FERRY3: variants seen among roughly 807,000 people sequenced by gnomAD.
The protein encoded by FERRY3 is protein C12orf4.
the FERRY3 span, among the ~76,000 whole-genome samples, chr12:4,522,865 A>C: frequency 6.6e-6 from 1 of 152,356 alleles, no homozygotes; most frequent in East Asian, 1.9e-4. Context: ...AACAACTCCA[A>C]TGAGTCTCAA....
the FERRY3 span, among the ~76,000 whole-genome samples, chr12:4,504,956 G>A: frequency 6.6e-6 from 1 of 152,124 alleles, no homozygotes; most frequent in Non-Finnish European, 1.5e-5. Flanking sequence ...TACAAAAAAA[G>A]TAGCCGGGTA....
chr12:4,496,615 T>A, the FERRY3 span, among the ~76,000 whole-genome samples: 1 of 152,052 alleles, frequency 6.6e-6, no homozygotes, highest in African/African-American at 2.4e-5. Context: ...GAAAATGAAA[T>A]TGAAATCTCA....
the FERRY3 span, chr12:4,534,434 C>A: frequency 1.0e-6 from 1 of 995,958 alleles, no homozygotes. Flanking sequence ...TGGGGTCTCT[C>A]TCTCTGTTAC....
chr12:4,536,546 T>A, the FERRY3 span, among the ~76,000 whole-genome samples: 1 of 152,018 alleles, frequency 6.6e-6, no homozygotes, highest in Non-Finnish European at 1.5e-5. Context: ...GGAGAGTTCA[T>A]GGGTGGGGAA....
the FERRY3 span, among the ~76,000 whole-genome samples, chr12:4,537,710 G>T: frequency 6.6e-6 from 1 of 152,204 alleles, no homozygotes; most frequent in East Asian, 1.9e-4. Context: ...CAAAGAGATA[G>T]GGTATTTGTT....
At chr12:4,535,995 TAAAAAA>T in the FERRY3 span, 1 of 1,175,168 alleles carries the variant, frequency 8.5e-7, no homozygotes, top group Non-Finnish European at 1.2e-6. The surrounding 1 kb of genome is among the most constrained non-coding windows in gnomAD (Gnocchi z 4.0). Flanking sequence ...TGGTGTTACT[TAAAAAA>T]AAAAACAGTC....
the FERRY3 span, among the ~76,000 whole-genome samples, chr12:4,500,778 G>A: frequency 4.6e-5 from 7 of 152,074 alleles, no homozygotes; most frequent in African/African-American, 4.8e-5. Context: ...TCAGCCTCTC[G>A]AGTAGCTGGG....
the FERRY3 span, among the ~76,000 whole-genome samples, chr12:4,530,274 C>T: frequency 3.9e-5 from 6 of 151,910 alleles, no homozygotes; most frequent in Admixed American, 1.3e-4. Flanking sequence ...ATAAGTTACC[C>T]GGAAGCAGAA....
At chr12:4,522,947 C>G in the FERRY3 span, among the ~76,000 whole-genome samples, 1 of 152,126 alleles carries the variant, frequency 6.6e-6, no homozygotes, top group Non-Finnish European at 1.5e-5. Context: ...ATGTTACATT[C>G]TAGAAAAATC....
chr12:4,536,179 C>A, the FERRY3 span: 1 of 1,586,474 alleles, frequency 6.3e-7, no homozygotes, highest in Admixed American at 1.8e-5. Flanking sequence ...CAGAATCTTT[C>A]TCTGTTTTTC....
the FERRY3 span, among the ~76,000 whole-genome samples, chr12:4,521,360 T>C: frequency 6.6e-6 from 1 of 151,640 alleles, no homozygotes; most frequent in Non-Finnish European, 1.5e-5. Context: ...AGAGAAAGAC[T>C]CTGTCTCGGG....
At chr12:4,499,721 A>T in the FERRY3 span, among the ~76,000 whole-genome samples, 1 of 152,180 alleles carries the variant, frequency 6.6e-6, no homozygotes, top group Admixed American at 6.5e-5. Flanking sequence ...CAGAAAATGC[A>T]GACTAATTTT....
chr12:4,497,997 CCTG>C, the FERRY3 span, among the ~76,000 whole-genome samples: 45 of 152,238 alleles, frequency 3.0e-4, no homozygotes, highest in Non-Finnish European at 6.3e-4. Flanking sequence ...AACTTCTTGA[CCTG>C]AATGGATGTT....
chr12:4,516,531 T>TA, the FERRY3 span, among the ~76,000 whole-genome samples: 1 of 152,134 alleles, frequency 6.6e-6, no homozygotes, highest in African/African-American at 2.4e-5. Context: ...ATACATGGTA[T>TA]AAAAGGGAAT....
At chr12:4,490,846 A>T in the FERRY3 span, among the ~76,000 whole-genome samples, 5 of 152,314 alleles carry the variant, frequency 3.3e-5, no homozygotes, top group East Asian at 9.6e-4. Context: ...TAGTCTCCAT[A>T]CAATGAAGCC....
At chr12:4,512,420 A>T in the FERRY3 span, among the ~76,000 whole-genome samples, 2 of 152,284 alleles carry the variant, frequency 1.3e-5, no homozygotes, top group African/African-American at 2.4e-5. Context: ...TACCAAAGCC[A>T]GGCAGAGACA....
chr12:4,500,142 G>A, the FERRY3 span: 10 of 1,611,530 alleles, frequency 6.2e-6, no homozygotes, highest in Non-Finnish European at 8.5e-6. Flanking sequence ...GCTTACCTCT[G>A]ACATATCATG....
the FERRY3 span, among the ~76,000 whole-genome samples, chr12:4,530,625 A>AATT: frequency 1.3e-5 from 2 of 152,346 alleles, no homozygotes; most frequent in Admixed American, 1.3e-4. Context: ...ATAAATGTGT[A>AATT]ATTATGCATT....
At chr12:4,525,794 T>C in the FERRY3 span, among the ~76,000 whole-genome samples, 2 of 152,214 alleles carry the variant, frequency 1.3e-5, no homozygotes, top group African/African-American at 4.8e-5. Flanking sequence ...AATATCAACA[T>C]CATTTGTGCA....
Sources: gnomAD v4.1 joint callset for allele counts (sites outside exome capture counted in the v4.1 genomes callset) on GRCh38, gnomAD v4.1.1 for gene constraint, Gnocchi (gnomAD v3.1) non-coding constraint, MANE v1.5 for transcripts, NCBI Gene and HGNC (gene_info 2026-07-23, HGNC 2026-07-21) for gene names.